FNBP1: variants seen among roughly 807,000 people sequenced by gnomAD.
FNBP1 encodes the protein formin-binding protein 1.
FNBP1 carries 26 observed loss-of-function variants against 90.6 expected under a neutral mutation model. That is an observed-to-expected ratio of 0.29 (90% confidence interval 0.21 to 0.40). FNBP1 has a LOEUF of 0.40. FNBP1 is among the 10% of genes least tolerant of loss of function. The pLI, the probability that FNBP1 is intolerant of heterozygous loss-of-function variation, is 1.00. For synonymous variants in FNBP1, 260 were observed against 265.2 expected (o/e 0.98, Z 0.19); for missense variants, 635 against 768.0 (o/e 0.83, Z 2.05).
At chr9:130,024,038 A>G (rs769466246) in intron 1 of FNBP1, among the ~76,000 whole-genome samples, 2 of 152,104 alleles carry the variant, frequency 1.3e-5, no homozygotes, top group Non-Finnish European at 2.9e-5. Flanking sequence ...ATTTGCCGTC[A>G]TTTAACCCCC....
chr9:130,034,705 G>A (rs1230022504), intron 1 of FNBP1, among the ~76,000 whole-genome samples: 1 of 152,196 alleles, frequency 6.6e-6, no homozygotes, highest in Non-Finnish European at 1.5e-5. Flanking sequence ...TGTTTCTGCT[G>A]GCTCTGCAGC....
chr9:130,017,148 C>A (rs1372391077), intron 1 of FNBP1, among the ~76,000 whole-genome samples: 1 of 151,920 alleles, frequency 6.6e-6, no homozygotes, highest in Admixed American at 6.6e-5. Context: ...AAAAATAATT[C>A]AATCATACCA....
intron 1 of FNBP1, among the ~76,000 whole-genome samples, chr9:130,002,844 C>T (rs896165460): frequency 1.3e-5 from 2 of 152,112 alleles, no homozygotes; most frequent in African/African-American, 4.8e-5. Context: ...CTGAACCACT[C>T]ACCCAACATC....
chr9:129,892,364 T>TACACACACACAC (rs1554755493), intron 16 of FNBP1, among the ~76,000 whole-genome samples: 2 of 90,664 alleles, frequency 2.2e-5, no homozygotes, highest in African/African-American at 1.0e-4. Context: ...AAGCACATCG[T>TACACACACACAC]AGACACACAC....
chr9:129,960,909 TTG>T lies in FNBP1; in HGVS notation c.346-2358_346-2357del, dbSNP rs1253048493. Among the ~76,000 whole-genome samples, 3 of 151,944 alleles carry T rather than the reference TTG, an allele frequency of 2.0e-5. No homozygotes were observed. In the East Asian group the frequency reaches 5.8e-4, roughly 29 times the overall value. The stretch of plus-strand genomic sequence containing the variant: ...TGAGCTGCCCAGGGTGACTCCGAGG[TTG>T]TCAGTCTGAGCTTTAGGAGAAGGAA... On this transcript the variant is annotated intron_variant, in intron 4 of 16. Transcript: ENST00000446176.
At chr9:130,030,758 A>C (rs1241188207) in intron 1 of FNBP1, among the ~76,000 whole-genome samples, 1 of 152,204 alleles carries the variant, frequency 6.6e-6, no homozygotes, top group African/African-American at 2.4e-5. Flanking sequence ...TATACTTCTC[A>C]CTATAAGTTT....
At chr9:129,925,706 G>A (rs1306872143) in intron 8 of FNBP1, among the ~76,000 whole-genome samples, 2 of 137,690 alleles carry the variant, frequency 1.5e-5, no homozygotes, top group African/African-American at 2.7e-5. Flanking sequence ...CGATTCTCCT[G>A]CCTCAGCCTC....
intron 2 of FNBP1, among the ~76,000 whole-genome samples, chr9:129,984,820 G>C (rs976734376): frequency 6.6e-6 from 1 of 152,002 alleles, no homozygotes; most frequent in Non-Finnish European, 1.5e-5. Context: ...TTCCGATTTT[G>C]CTTCTTCCTC....
At chr9:130,034,112 G>C (rs952593440) in intron 1 of FNBP1, among the ~76,000 whole-genome samples, 2 of 151,666 alleles carry the variant, frequency 1.3e-5, no homozygotes, top group Non-Finnish European at 2.9e-5. Flanking sequence ...ACGAGGTCAG[G>C]AGATCGAGAC....
intron 16 of FNBP1, among the ~76,000 whole-genome samples, chr9:129,894,294 T>C (rs1001211255): frequency 1.3e-5 from 2 of 152,198 alleles, no homozygotes; most frequent in African/African-American, 4.8e-5. Flanking sequence ...TCTACGCATG[T>C]GACCAACTTC....
chr9:129,892,707 A>G (rs2035241948), intron 16 of FNBP1, among the ~76,000 whole-genome samples: 1 of 152,182 alleles, frequency 6.6e-6, no homozygotes, highest in Admixed American at 6.5e-5. Context: ...TGGAAATGGA[A>G]ATTCCTGATT....
At chr9:129,955,571 G>T (rs920941878) in intron 6 of FNBP1, among the ~76,000 whole-genome samples, 14 of 151,328 alleles carry the variant, frequency 9.3e-5, no homozygotes, top group Middle Eastern at 3.2e-3. Context: ...TAGAGACAGG[G>T]TCATTAGCAG....
chr9:129,962,027 C>G (rs535537638), intron 4 of FNBP1, among the ~76,000 whole-genome samples: 2 of 152,322 alleles, frequency 1.3e-5, no homozygotes, highest in South Asian at 4.1e-4. Flanking sequence ...CCCTCTGGTT[C>G]TGATGAGATT....
chr9:130,052,947 G>C, the FNBP1 span, among the ~76,000 whole-genome samples: 1 of 151,748 alleles, frequency 6.6e-6, no homozygotes, highest in Non-Finnish European at 1.5e-5. Context: ...GAAACCCCGT[G>C]TCTACTAAAA....
At chr9:130,026,087 C>G (rs2058312761) in intron 1 of FNBP1, among the ~76,000 whole-genome samples, 2 of 152,142 alleles carry the variant, frequency 1.3e-5, no homozygotes, top group African/African-American at 4.8e-5. Context: ...GGCTAAATGA[C>G]TTGTCCAAAA....
chr9:130,045,295 C>A (rs2060054698), upstream of FNBP1, among the ~76,000 whole-genome samples: 1 of 152,182 alleles, frequency 6.6e-6, no homozygotes. Flanking sequence ...CAATGCTGCA[C>A]AGTTTAGTCT....
chr9:129,990,366 G>A (rs2052935259), intron 2 of FNBP1, among the ~76,000 whole-genome samples: 1 of 152,218 alleles, frequency 6.6e-6, no homozygotes, highest in Non-Finnish European at 1.5e-5. Context: ...TCACTGAGCA[G>A]AAACTGGAAG....
chr9:129,937,057 C>A (rs2043575930), intron 6 of FNBP1, among the ~76,000 whole-genome samples: 1 of 152,072 alleles, frequency 6.6e-6, no homozygotes, highest in African/African-American at 2.4e-5. Flanking sequence ...GTAGTCCCAG[C>A]TGCTTGGGAG....
At chr9:129,995,051 C>A (rs2053772359) in intron 1 of FNBP1, 93 bp from the exon 2 acceptor site, 4 of 697,764 alleles carry the variant, frequency 5.7e-6, no homozygotes, top group Middle Eastern at 2.5e-4. Context: ...TTACTACATA[C>A]AAAGTAGTAC....
Sources: gnomAD v4.1 joint callset for allele counts (sites outside exome capture counted in the v4.1 genomes callset) on GRCh38, gnomAD v4.1.1 for gene constraint, MANE v1.5 for transcripts, NCBI Gene and HGNC (gene_info 2026-07-23, HGNC 2026-07-21) for gene names.